The following ARHGAP6 variants were observed in gnomAD, a reference collection of about 807,000 sequenced individuals.
The protein encoded by ARHGAP6 is Rho GTPase activating protein 6, also known as rho GTPase-activating protein 6.
In ARHGAP6, 16 loss-of-function variants were observed where a neutral mutation model predicts 55.7. The ratio of observed to expected loss-of-function variants is 0.29; its 90% CI spans 0.19 to 0.44. The LOEUF is 0.44. Among genes scored for constraint, ARHGAP6 ranks in the 20% least tolerant of loss-of-function variants. ARHGAP6 has a pLI of 1.00. For missense variants in ARHGAP6, 698 were observed against 808.9 expected (o/e 0.86, Z 1.66); for synonymous variants, 382 against 360.9 (o/e 1.06, Z -0.66).
chrX:11,208,873 C>G (rs1432994854), intron 2 of ARHGAP6, among the ~76,000 whole-genome samples: 1 of 111,807 alleles, frequency 8.9e-6, no homozygotes, highest in Admixed American at 9.5e-5. Context: ...AATTAAACAT[C>G]ATTTGGTTCC....
chrX:11,266,097 G>A (rs749237302), intron 1 of ARHGAP6: 68 of 289,355 alleles, frequency 2.4e-4, no homozygotes, highest in African/African-American at 2.1e-3. Context: ...GAGAGAGAGG[G>A]TGAGAGAGAG....
intron 2 of ARHGAP6, among the ~76,000 whole-genome samples, chrX:11,201,710 G>A (rs755400746): frequency 8.9e-6 from 1 of 111,874 alleles, no homozygotes; most frequent in East Asian, 2.8e-4. Flanking sequence ...CATCAGCGAG[G>A]AGAAGTGCAG....
chrX:11,327,236 A>G (rs1317569142), intron 1 of ARHGAP6, among the ~76,000 whole-genome samples: 1 of 112,500 alleles, frequency 8.9e-6, no homozygotes, highest in Non-Finnish European at 1.9e-5. Flanking sequence ...AGAGAAGTTG[A>G]GGTAAGAAAA....
At chrX:11,518,425 T>C (rs1432927274) in intron 1 of ARHGAP6, among the ~76,000 whole-genome samples, 1 of 108,660 alleles carries the variant, frequency 9.2e-6, no homozygotes, top group Non-Finnish European at 1.9e-5. Context: ...ATTACAGGCA[T>C]GAGCCACTGT....
Position 11,664,969 on chromosome X carries a change from C to A in ARHGAP6, c.-141G>T. On this transcript the variant is annotated 5_prime_UTR_variant, in exon 1 of 13. Transcript: ENST00000337414. Reference sequence around the variant, plus strand: ...TTGCCCAGGGCAGTGGAGAGCAAAGCCCAGCTCACGCGCCGCCGGTGCGCT... The same window carrying A: ...TTGCCCAGGGCAGTGGAGAGCAAAGACCAGCTCACGCGCCGCCGGTGCGCT... 1.8e-6 allele frequency: 1 copy of A among 561,017 alleles called. No homozygotes were observed. The highest frequency in any genetic ancestry group is 2.6e-6 in the Non-Finnish European group (1 of 377,503). 46.2% of individuals were successfully genotyped at this position (561,017 alleles called of 1,213,427 possible). A position where few individuals can be genotyped will look rare whatever the true frequency, so the allele number is the denominator to read the frequency against.
rs780387947 is a variant in ARHGAP6 at position 11,535,882 on chromosome X, ATAT to A, written c.588+128356_588+128358del. ...ATCCTTTGGGTTGGAATTTAAAACT[ATAT>A]TGCTATGGCTCCTGAAAACTAGCTT... is the stretch of plus-strand genomic sequence containing the variant. On this transcript the variant is annotated intron_variant, in intron 1 of 12. Transcript: ENST00000337414. 7.5e-3 allele frequency among the ~76,000 whole-genome samples: 840 copies of A among 112,543 alleles called. 10 individuals are homozygous for A. Among genetic ancestry groups the A allele is most frequent in the African/African-American group, 0.026 (797 of 30,983 alleles).
intron 1 of ARHGAP6, among the ~76,000 whole-genome samples, chrX:11,582,650 G>A (rs1441660957): frequency 8.9e-6 from 1 of 111,739 alleles, no homozygotes; most frequent in African/African-American, 3.3e-5. Context: ...TCTGACATCT[G>A]TAACAAAAAC....
intron 1 of ARHGAP6, among the ~76,000 whole-genome samples, chrX:11,596,135 T>A (rs2051899355): frequency 8.9e-6 from 1 of 112,262 alleles, no homozygotes; most frequent in South Asian, 3.8e-4. Context: ...ATGCTTATTG[T>A]GGCACTATTC....
intron 2 of ARHGAP6, among the ~76,000 whole-genome samples, chrX:11,197,392 G>A (rs1335611667): frequency 1.8e-5 from 2 of 112,074 alleles, no homozygotes; most frequent in South Asian, 3.7e-4. Flanking sequence ...TGACATTTAC[G>A]AGCTAGGAGA....
intron 1 of ARHGAP6, among the ~76,000 whole-genome samples, chrX:11,510,954 C>T (rs2050779929): frequency 8.9e-6 from 1 of 111,789 alleles, no homozygotes; most frequent in African/African-American, 3.2e-5. Flanking sequence ...GGACAGAGAA[C>T]ATATGACCTG....
At chrX:11,504,488 C>A (rs1345038515) in intron 1 of ARHGAP6, among the ~76,000 whole-genome samples, 1 of 111,808 alleles carries the variant, frequency 8.9e-6, no homozygotes, top group Non-Finnish European at 1.9e-5. Flanking sequence ...GATAAAATTA[C>A]CCCCGTTAAG....
chrX:11,363,458 G>A (rs1010488525), intron 1 of ARHGAP6, among the ~76,000 whole-genome samples: 11 of 111,771 alleles, frequency 9.8e-5, no homozygotes, highest in Non-Finnish European at 2.1e-4. Flanking sequence ...TCACCTTATT[G>A]CCCATGGCCA....
At chrX:11,660,529 T>G (rs758626774) in intron 1 of ARHGAP6, among the ~76,000 whole-genome samples, 1 of 25,063 alleles carries the variant, frequency 4.0e-5, no homozygotes, top group Non-Finnish European at 6.9e-5. Context: ...TCTCTCTCTC[T>G]CAAAAAAAAA....
chrX:11,554,442 G>T (rs1354752781), intron 1 of ARHGAP6, among the ~76,000 whole-genome samples: 1 of 111,930 alleles, frequency 8.9e-6, no homozygotes, highest in Non-Finnish European at 1.9e-5. Flanking sequence ...TAGAAGAAAA[G>T]ATTTGAAATA....
At chrX:11,437,560 G>T (rs1167934278) in intron 1 of ARHGAP6, among the ~76,000 whole-genome samples, 1 of 112,236 alleles carries the variant, frequency 8.9e-6, no homozygotes, top group Non-Finnish European at 1.9e-5. Flanking sequence ...AACAGGGTAG[G>T]GAAGGGAATA....
chrX:11,491,651 G>A (rs1166917588), intron 1 of ARHGAP6, among the ~76,000 whole-genome samples: 2 of 111,798 alleles, frequency 1.8e-5, no homozygotes, highest in Admixed American at 9.5e-5. Flanking sequence ...CTTTGCTATT[G>A]TGAATAGAGC....
intron 1 of ARHGAP6, among the ~76,000 whole-genome samples, chrX:11,659,873 T>A (rs1472135090): frequency 8.9e-6 from 1 of 112,076 alleles, no homozygotes; most frequent in Non-Finnish European, 1.9e-5. Context: ...GGTCCAGAAC[T>A]GTAAGACAAT....
At chrX:11,563,571 G>A (rs948385816) in intron 1 of ARHGAP6, among the ~76,000 whole-genome samples, 3 of 111,189 alleles carry the variant, frequency 2.7e-5, no homozygotes, top group African/African-American at 9.8e-5. Context: ...AGATACTCCT[G>A]TAAGCCAGAA....
chrX:11,510,978 A>G, intron 1 of ARHGAP6, among the ~76,000 whole-genome samples: 1 of 111,866 alleles, frequency 8.9e-6, no homozygotes, highest in East Asian at 2.8e-4. Flanking sequence ...ACCTGAAAAT[A>G]TTTACTACCT....
Sources: allele counts gnomAD v4.1 joint callset (sites outside exome capture counted in the v4.1 genomes callset), GRCh38; gene constraint gnomAD v4.1.1; transcripts MANE v1.5; gene names NCBI Gene and HGNC (gene_info 2026-07-23, HGNC 2026-07-21).